Variants in RIF1 observed in about 807,000 individuals in gnomAD.
RIF1 encodes telomere-associated protein RIF1.
Under a neutral mutation model 247.1 loss-of-function variants are expected in RIF1, and 45 were observed. The ratio of observed to expected loss-of-function variants is 0.18; its 90% CI spans 0.14 to 0.23. RIF1 has a LOEUF of 0.23. Among genes scored for constraint, RIF1 ranks in the 10% least tolerant of loss-of-function variants. The pLI is 1.00. For missense variants in RIF1, 2,967 were observed against 2,862.5 expected (o/e 1.04, Z -0.83); for synonymous variants, 1,087 against 978.8 (o/e 1.11, Z -2.06).
At chr2:151,455,336 G>A (rs1695006074) in intron 22 of RIF1, among the ~76,000 whole-genome samples, 177 bp downstream of exon 22, 1 of 152,150 alleles carries the variant, frequency 6.6e-6, no homozygotes, top group African/African-American at 2.4e-5. Context: ...ATATGAGAGA[G>A]AAATTGGAAG....
intron 19 of RIF1, 131 bp from the exon 20 acceptor site, chr2:151,446,295 G>A (rs1427560810): frequency 3.6e-5 from 31 of 854,854 alleles, no homozygotes; most frequent in Non-Finnish European, 4.9e-5. Context: ...CACTGCACCC[G>A]GCCGTTAGTG....
At position 151,477,108 on chromosome 2, in the gene RIF1, A is replaced by G. The variant is rs1185398285; in HGVS notation, c.*2037A>G. 2 of 152,224 alleles carry G rather than the reference A, an allele frequency of 1.3e-5. No homozygotes were observed. The highest frequency in any genetic ancestry group is 2.9e-5 in the Non-Finnish European group (2 of 68,028). 9.4% of individuals were successfully genotyped at this position (152,224 alleles called of 1,614,324 possible). ...CTGCATTTAAAAATATTTGGGAGCA[A>G]AGACAAGCATGCTAAATCTTCATTT... On this transcript the variant is annotated 3_prime_UTR_variant, in exon 36 of 36. Coordinates refer to ENST00000444746, the MANE Select transcript of RIF1 (RefSeq NM_018151.5).
At chr2:151,519,904 C>T in the RIF1 span, 1 of 588,814 alleles carries the variant, frequency 1.7e-6, no homozygotes, top group Non-Finnish European at 3.0e-6. Flanking sequence ...CAAACTGGGA[C>T]ATTTAGAGTA....
chr2:151,466,460 C>T (rs1041333850), intron 30 of RIF1, among the ~76,000 whole-genome samples: 6 of 152,268 alleles, frequency 3.9e-5, no homozygotes, highest in Admixed American at 6.5e-5. Flanking sequence ...GCAGGCAACA[C>T]TGCCATTGAT....
chr2:151,511,635 T>C (rs370543734), downstream of RIF1, among the ~76,000 whole-genome samples: 31 of 152,358 alleles, frequency 2.0e-4, no homozygotes, highest in African/African-American at 7.2e-4. Flanking sequence ...CAAATTCTAA[T>C]CTGGCACCAC....
chr2:151,533,479 A>C, the RIF1 span: 1 of 1,551,548 alleles, frequency 6.4e-7, no homozygotes, highest in African/African-American at 1.4e-5. Flanking sequence ...AGCAGTCAAC[A>C]TATCTGGACG....
intron 21 of RIF1, among the ~76,000 whole-genome samples, chr2:151,453,692 C>T (rs1202580829): frequency 2.6e-5 from 4 of 151,862 alleles, no homozygotes. Flanking sequence ...TGGAGTACCA[C>T]AGAAATAATG....
chr2:151,410,434 G>A lies in RIF1; in HGVS notation c.11G>A (p.Arg4Lys). Residue 4 changes from arginine (R) to lysine (K), a missense_variant, in exon 2 of 36, where the codon AGG becomes AAG. Physicochemically the swap from Arg to Lys is conservative, Grantham distance 26. Transcript: ENST00000444746. ...CTCAGGGTGGCCGACATGACGGCCA[G>A]GGGTCAGAGCCCCCTCGCGCCGCTG... MTA[R>K]GQSPLAPLLE... 1.2e-6 allele frequency: 2 copies of A among 1,613,098 alleles called. No individual in the cohort carries two copies. The highest frequency in any genetic ancestry group is 1.7e-6 in the Non-Finnish European group (2 of 1,179,662).
chr2:151,467,795 T>G (rs1697187421), intron 30 of RIF1, among the ~76,000 whole-genome samples: 1 of 152,260 alleles, frequency 6.6e-6, no homozygotes, highest in African/African-American at 2.4e-5. Flanking sequence ...AGAGACAGTT[T>G]AAAATATAGA....
At chr2:151,515,421 C>T in the RIF1 span, among the ~76,000 whole-genome samples, 1 of 152,110 alleles carries the variant, frequency 6.6e-6, no homozygotes, top group Admixed American at 6.5e-5. Context: ...CTATGATGCC[C>T]AGGCTGGTCT....
Position 151,434,214 on chromosome 2 carries a change from C to A in RIF1, c.1077+986C>A, listed in dbSNP as rs529350283. ...AATCAAGTGCTACACTGGGTAGATA[C>A]AAGGTTGGACCAGTTCTTGTTTTTT... On this transcript the variant is annotated intron_variant, in intron 10 of 35. Transcript: ENST00000444746. Among the ~76,000 whole-genome samples the A allele has an allele frequency of 9.9e-5, 15 of 151,046 alleles. No homozygotes were observed. The East Asian group carries it at 2.9e-3, about 30-fold the overall frequency.
chr2:151,420,066 A>G lies in RIF1; in HGVS notation c.504-124A>G, dbSNP rs538411183. ...AGATCTATTTCTTGTGTGTATATGC[A>G]TATTTGTATATATTCTAAAACAAAT... On this transcript the variant is annotated intron_variant, in intron 6 of 35. Coordinates refer to ENST00000444746, the MANE Select transcript of RIF1 (RefSeq NM_018151.5). The G allele has an allele frequency of 4.6e-5, 34 of 734,380 alleles. No homozygotes were observed. In the Middle Eastern group the frequency reaches 1.4e-3, roughly 31 times the overall value. The allele number at this position is 734,380 out of a possible 1,614,324, so 45.5% of individuals were successfully genotyped here.
chr2:151,421,392 G>A (rs1018668592), intron 7 of RIF1, among the ~76,000 whole-genome samples: 1 of 152,172 alleles, frequency 6.6e-6, no homozygotes, highest in African/African-American at 2.4e-5. Context: ...AACTATGAGG[G>A]CAAAAGGCCC....
intron 11 of RIF1, among the ~76,000 whole-genome samples, chr2:151,500,135 A>C (rs950243109): frequency 1.3e-5 from 2 of 151,986 alleles, no homozygotes; most frequent in Non-Finnish European, 2.9e-5. Flanking sequence ...ACATTCCAAA[A>C]GACATATTAA....
At chr2:151,519,125 A>C in the RIF1 span, 1 of 1,126,198 alleles carries the variant, frequency 8.9e-7, no homozygotes, top group Non-Finnish European at 1.3e-6. Flanking sequence ...GAACAGCACT[A>C]ATGGAAATCA....
intron 20 of RIF1, 66 bp downstream of exon 20, chr2:151,446,641 A>T: frequency 6.6e-7 from 1 of 1,507,562 alleles, no homozygotes; most frequent in Non-Finnish European, 9.1e-7. Flanking sequence ...GTAAATGGAG[A>T]TAATATTTGT....
At chr2:151,517,967 CTGTT>C in the RIF1 span, among the ~76,000 whole-genome samples, 1 of 152,138 alleles carries the variant, frequency 6.6e-6, no homozygotes, top group East Asian at 1.9e-4. Context: ...TATCACTTCT[CTGTT>C]TGAAATCTTC....
rs1025915683 is a variant in RIF1, at chr2:151,473,825, C to T, written c.7096-139C>T. The stretch of plus-strand genomic sequence containing the variant: ...GAACCTACTTTCTTAGCAGTATTAG[C>T]TCTTAATTGTGATGGGTGGTAGAAC... On this transcript the variant is annotated intron_variant, in intron 34 of 35. Transcript: ENST00000444746. 1.1e-5 allele frequency: 7 copies of T among 644,726 alleles called. No individual in the cohort carries two copies. The Admixed American group carries it at 1.6e-4, about 15-fold the overall frequency. The allele number at this position is 644,726 out of a possible 1,614,324, so 39.9% of individuals were successfully genotyped here. A position where few individuals can be genotyped will look rare whatever the true frequency, so the allele number is the denominator to read the frequency against.
At chr2:151,432,301 C>G (rs559911338) in intron 9 of RIF1, among the ~76,000 whole-genome samples, 3 of 152,206 alleles carry the variant, frequency 2.0e-5, no homozygotes, top group Non-Finnish European at 4.4e-5. Flanking sequence ...TGAACCACCA[C>G]GCCCAGCCCT....
Sources: gnomAD v4.1 joint callset for allele counts (sites outside exome capture counted in the v4.1 genomes callset) on GRCh38, gnomAD v4.1.1 for gene constraint, MANE v1.5 for transcripts, NCBI Gene and HGNC (gene_info 2026-07-23, HGNC 2026-07-21) for gene names.